ITGB6: variants seen among roughly 807,000 people sequenced by gnomAD.
ITGB6 encodes integrin beta-6.
ITGB6 carries 80 observed loss-of-function variants against 84.5 expected under a neutral mutation model. The observed-to-expected ratio is 0.95, with a 90% CI of 0.79 to 1.14. ITGB6 has a LOEUF of 1.14. ITGB6 is among the 50% of genes most tolerant of loss of function. The pLI, the probability that ITGB6 is intolerant of heterozygous loss-of-function variation, is 0.00. For missense variants in ITGB6, 1,006 were observed against 968.0 expected (o/e 1.04, Z -0.52); for synonymous variants, 383 against 354.9 (o/e 1.08, Z -0.89).
intron 4 of ITGB6, among the ~76,000 whole-genome samples, chr2:160,190,387 T>C (rs2105892433): frequency 1.3e-5 from 2 of 152,282 alleles, no homozygotes; most frequent in South Asian, 4.1e-4. Context: ...ATTGGCATTG[T>C]TAGTCTAGAC....
At chr2:160,165,401 C>T (rs947509709) in intron 7 of ITGB6, among the ~76,000 whole-genome samples, 4 of 152,152 alleles carry the variant, frequency 2.6e-5, no homozygotes, top group Non-Finnish European at 5.9e-5. Flanking sequence ...TCCACTGGAG[C>T]AAAATTGTTT....
Position 160,170,346 on chromosome 2 carries a change from C to T in ITGB6, c.922-1039G>A, listed in dbSNP as rs72994778. On this transcript the variant is annotated intron_variant, in intron 6 of 14. Transcript: ENST00000283249. ...TAAAACACTGCAATAAATTACCCAA[C>T]TGCAAATGGCTATGTCATATGTGAT... 4.9e-3 allele frequency among the ~76,000 whole-genome samples: 740 copies of T among 152,334 alleles called. 8 individuals are homozygous for T. Among genetic ancestry groups the T allele is most frequent in the African/African-American group, 0.017 (712 of 41,578 alleles).
chr2:160,156,670 T>C (rs1684634306), intron 7 of ITGB6, among the ~76,000 whole-genome samples: 1 of 152,196 alleles, frequency 6.6e-6, no homozygotes. Context: ...AGAAGTTCTA[T>C]TATTTAGGTA....
At chr2:160,133,314 G>A (rs540215463) in intron 10 of ITGB6, among the ~76,000 whole-genome samples, 119 of 152,216 alleles carry the variant, frequency 7.8e-4, no homozygotes, top group African/African-American at 2.8e-3. Flanking sequence ...AAGAGAAAAG[G>A]CCATTACATA....
chr2:160,158,924 C>T (rs1044569791), intron 7 of ITGB6, among the ~76,000 whole-genome samples: 24 of 152,000 alleles, frequency 1.6e-4, no homozygotes, highest in Admixed American at 6.6e-5. Flanking sequence ...TATGGTGAAA[C>T]CCCGTCTCTA....
intron 12 of ITGB6, 41 bp from the exon 13 acceptor site, chr2:160,112,240 CA>C: frequency 6.4e-7 from 1 of 1,555,604 alleles, no homozygotes. Context: ...AACAAGATTC[CA>C]AAAGAGATTG....
chr2:160,169,071 A>G, intron 7 of ITGB6, 141 bp downstream of exon 7: 1 of 554,620 alleles, frequency 1.8e-6, no homozygotes, highest in African/African-American at 1.9e-5. Flanking sequence ...AAATGAGTCC[A>G]CTTAGCCAAG....
Position 160,167,217 on chromosome 2 carries a change from T to C in ITGB6, c.1017+1995A>G, listed in dbSNP as rs559632582. On this transcript the variant is annotated intron_variant, in intron 7 of 14. Transcript: ENST00000283249. ...CACATACAGGGCTCCTTCTAAAAGA[T>C]GTGAATTGAAAGGCAACACAAGCCA... is the stretch of plus-strand genomic sequence containing the variant. Among the ~76,000 whole-genome samples, 3 of 152,326 alleles carry C rather than the reference T, an allele frequency of 2.0e-5. No homozygotes were observed. The South Asian group carries it at 6.2e-4, about 32-fold the overall frequency.
intron 7 of ITGB6, among the ~76,000 whole-genome samples, chr2:160,149,065 T>C (rs963920119): frequency 6.6e-6 from 1 of 152,182 alleles, no homozygotes; most frequent in East Asian, 1.9e-4. Flanking sequence ...GACTTAAACG[T>C]CCCTGTCTGA....
At chr2:160,142,845 C>T (rs112089054) in intron 7 of ITGB6, among the ~76,000 whole-genome samples, 119 of 152,294 alleles carry the variant, frequency 7.8e-4, no homozygotes, top group African/African-American at 2.8e-3. Context: ...TGGACATTTC[C>T]CCACCCTGGA....
chr2:160,130,361 T>C (rs1683420344), intron 10 of ITGB6, among the ~76,000 whole-genome samples: 1 of 152,140 alleles, frequency 6.6e-6, no homozygotes, highest in South Asian at 2.1e-4. Context: ...TATATACACA[T>C]ACACACACGT....
chr2:160,154,423 G>A (rs541534668), intron 7 of ITGB6, among the ~76,000 whole-genome samples: 17 of 151,556 alleles, frequency 1.1e-4, no homozygotes, highest in Admixed American at 6.6e-4. Flanking sequence ...TCACACAGCA[G>A]GGCCTGTTAT....
Position 160,152,487 on chromosome 2 carries a change from T to A in ITGB6, c.1018-10416A>T, listed in dbSNP as rs1007190733. 4.6e-5 allele frequency among the ~76,000 whole-genome samples: 7 copies of A among 152,260 alleles called. No homozygotes were observed. In the South Asian group the frequency reaches 1.5e-3, roughly 32 times the overall value. ...CTATTTATGACAAACCCACAGCCAA[T>A]ATCATACTGAATGGGCAAAAACTGG... On this transcript the variant is annotated intron_variant, in intron 7 of 14. Transcript: ENST00000283249.
At chr2:160,195,284 C>T in intron 4 of ITGB6, 85 bp downstream of exon 4, 1 of 1,528,366 alleles carries the variant, frequency 6.5e-7, no homozygotes. Flanking sequence ...AGGGAGTTAG[C>T]AAGCTCCTGG....
intron 6 of ITGB6, among the ~76,000 whole-genome samples, chr2:160,171,581 G>T (rs375627123): frequency 2.8e-4 from 43 of 152,114 alleles, no homozygotes; most frequent in East Asian, 1.5e-3. Flanking sequence ...GTGATCCACC[G>T]CCTCGGCCTC....
intron 7 of ITGB6, among the ~76,000 whole-genome samples, chr2:160,161,304 G>A (rs996784843): frequency 3.9e-5 from 6 of 152,110 alleles, no homozygotes; most frequent in African/African-American, 1.4e-4. Flanking sequence ...GATTATACAT[G>A]TATAAACATT....
intron 10 of ITGB6, among the ~76,000 whole-genome samples, chr2:160,129,021 A>G (rs1683348847): frequency 1.3e-5 from 2 of 151,732 alleles, no homozygotes; most frequent in Admixed American, 1.3e-4. Flanking sequence ...AGTGAGAAAA[A>G]CTCTGGAGAG....
chr2:160,167,874 C>T (rs1685060887), intron 7 of ITGB6, among the ~76,000 whole-genome samples: 2 of 152,196 alleles, frequency 1.3e-5, no homozygotes, highest in Non-Finnish European at 2.9e-5. Flanking sequence ...CCTCCTCCCA[C>T]TTCTAAACTG....
At chr2:160,172,482 G>T in intron 6 of ITGB6, 87 bp downstream of exon 6, 1 of 1,245,406 alleles carries the variant, frequency 8.0e-7, no homozygotes, top group African/African-American at 1.5e-5. Flanking sequence ...TTCACCAAGT[G>T]TATGTTATTT....
Sources: gnomAD v4.1 joint callset for allele counts (sites outside exome capture counted in the v4.1 genomes callset) on GRCh38, gnomAD v4.1.1 for gene constraint, MANE v1.5 for transcripts, NCBI Gene and HGNC (gene_info 2026-07-23, HGNC 2026-07-21) for gene names.